Variants in AIG1 observed in about 807,000 individuals in gnomAD.
AIG1 encodes androgen-induced gene 1 protein.
In AIG1, 23 loss-of-function variants were observed where a neutral mutation model predicts 31.4. That is an observed-to-expected ratio of 0.73 (90% CI 0.53 to 1.04). The LOEUF is 1.04. Among genes scored for constraint, AIG1 ranks in the 50% least tolerant of loss-of-function variants. The pLI is 0.00. For missense variants in AIG1, 274 were observed against 295.0 expected (o/e 0.93, Z 0.52); for synonymous variants, 100 against 110.5 (o/e 0.90, Z 0.60).
intron 4 of AIG1, among the ~76,000 whole-genome samples, chr6:143,321,632 C>A (rs183133312): frequency 1.3e-5 from 2 of 151,932 alleles, no homozygotes; most frequent in Non-Finnish European, 2.9e-5. Flanking sequence ...TAGAAGGAAC[C>A]GCTGAAAGGG....
chr6:143,071,999 C>T (rs1229837184), intron 1 of AIG1, among the ~76,000 whole-genome samples: 1 of 151,680 alleles, frequency 6.6e-6, no homozygotes, highest in African/African-American at 2.4e-5. Context: ...GCTGCATTAC[C>T]CAGGCTGGTC....
chr6:143,290,107 G>A (rs544910009), intron 4 of AIG1, among the ~76,000 whole-genome samples: 7 of 152,014 alleles, frequency 4.6e-5, no homozygotes, highest in Admixed American at 2.6e-4. Flanking sequence ...TGTTACTGGC[G>A]GCATATATGT....
chr6:143,189,478 C>T, intron 3 of AIG1: 17 of 984,770 alleles, frequency 1.7e-5, no homozygotes, highest in Non-Finnish European at 2.0e-5. Context: ...TGAAATCAAG[C>T]TTGATGATAT....
intron 3 of AIG1, among the ~76,000 whole-genome samples, chr6:143,259,048 T>C (rs1020079816): frequency 6.6e-6 from 1 of 152,136 alleles, no homozygotes; most frequent in African/African-American, 2.4e-5. Context: ...CAATCTAAAC[T>C]CTTGGGTCTA....
intron 3 of AIG1, among the ~76,000 whole-genome samples, chr6:143,244,198 G>GTC (rs1485160199): frequency 6.6e-6 from 1 of 152,194 alleles, no homozygotes; most frequent in East Asian, 1.9e-4. Flanking sequence ...CCTGAAGGAG[G>GTC]TAAGGAGTGT....
chr6:143,342,625 A>G, downstream of AIG1: 5 of 1,108,936 alleles, frequency 4.5e-6, no homozygotes, highest in Non-Finnish European at 7.0e-6. Flanking sequence ...ACTGAAATCC[A>G]GGGGTCCAGA....
At chr6:143,159,970 CA>C (rs1786179926) in intron 2 of AIG1, among the ~76,000 whole-genome samples, 1 of 152,180 alleles carries the variant, frequency 6.6e-6, no homozygotes, top group South Asian at 2.1e-4. Context: ...AATCTGGAAG[CA>C]AGGTAATAGA....
intron 3 of AIG1, among the ~76,000 whole-genome samples, chr6:143,194,907 A>G (rs570917167): frequency 1.3e-5 from 2 of 152,366 alleles, no homozygotes; most frequent in African/African-American, 4.8e-5. Flanking sequence ...GAGAAGCCCC[A>G]TTGTGAGCAG....
At chr6:143,071,781 T>C (rs558367630) in intron 1 of AIG1, among the ~76,000 whole-genome samples, 15 of 150,312 alleles carry the variant, frequency 1.0e-4, no homozygotes, top group Non-Finnish European at 1.8e-4. Flanking sequence ...TCTTTTCTTG[T>C]GTGTGTGTGT....
intron 1 of AIG1, among the ~76,000 whole-genome samples, chr6:143,107,159 G>A (rs1352868581): frequency 5.3e-5 from 8 of 152,146 alleles, no homozygotes; most frequent in Admixed American, 5.2e-4. Context: ...GTATCCACAG[G>A]TAAATGAAGT....
upstream of AIG1, among the ~76,000 whole-genome samples, chr6:143,059,307 C>CT (rs1776077598): frequency 6.6e-6 from 1 of 152,176 alleles, no homozygotes; most frequent in African/African-American, 2.4e-5. Context: ...TCTGTGCCAT[C>CT]TTTAAGAGCT....
chr6:143,335,144 AG>A (rs1288953118), intron 5 of AIG1: 2 of 1,389,806 alleles, frequency 1.4e-6, no homozygotes, highest in Non-Finnish European at 1.9e-6. Flanking sequence ...CATTTACAAG[AG>A]GGGTCACAAA....
chr6:143,173,566 A>C (rs1056445901), intron 3 of AIG1, among the ~76,000 whole-genome samples: 25 of 152,128 alleles, frequency 1.6e-4, no homozygotes, highest in Admixed American at 8.5e-4. Context: ...TGTATCCCAG[A>C]GGTTTGGATA....
intron 1 of AIG1, among the ~76,000 whole-genome samples, chr6:143,084,662 T>C (rs1008007796): frequency 1.3e-5 from 2 of 152,204 alleles, no homozygotes; most frequent in Non-Finnish European, 2.9e-5. Context: ...TGGCCTTCAA[T>C]AGAGTCGGGT....
In AIG1 at chr6:143,146,224, A is replaced by C. The variant is rs1784694753; in HGVS notation, c.297+9234A>C. ...GAAAAAAAAATCACAGAAATATCTC[A>C]CAAAATGAAGATATTTTCTTCCCAT... On this transcript the variant is annotated intron_variant, in intron 2 of 5. Transcript: ENST00000357847. Among the ~76,000 whole-genome samples, 4 of 152,140 alleles carry C rather than the reference A, an allele frequency of 2.6e-5. No homozygotes were observed. In the South Asian group the frequency reaches 8.3e-4, roughly 32 times the overall value.
Position 143,327,990 on chromosome 6 carries a change from A to G in AIG1, c.516-5292A>G, listed in dbSNP as rs964279757. Among the ~76,000 whole-genome samples the G allele has an allele frequency of 2.0e-5, 3 of 152,216 alleles. No homozygotes were observed. The highest frequency in any genetic ancestry group is 1.9e-4 in the East Asian group (1 of 5,190). On this transcript the variant is annotated intron_variant, in intron 4 of 5. Transcript: ENST00000357847. The surrounding 1 kb of genome is among the most constrained non-coding windows in gnomAD (Gnocchi z 5.3). ...GTTTGTAAAATACCTGTGTATAAGT[A>G]GTGAACATGATGCCATAGCCATGAA...
chr6:143,121,380 C>T lies in AIG1; in HGVS notation c.142-15455C>T, dbSNP rs116773336. ...GGTGCTGCTCTCTGATCAAGTTGAACATATCATGTAATATACATATATTTT... is the reference window on the plus strand; with the variant it reads ...GGTGCTGCTCTCTGATCAAGTTGAATATATCATGTAATATACATATATTTT... On this transcript the variant is annotated intron_variant, in intron 1 of 5. Transcript: ENST00000357847. 3.2e-3 allele frequency among the ~76,000 whole-genome samples: 491 copies of T among 152,312 alleles called. 5 individuals carry two copies. Among genetic ancestry groups the T allele is most frequent in the African/African-American group, 0.011 (476 of 41,566 alleles).
At chr6:143,318,451 C>T (rs955016608) in intron 4 of AIG1, among the ~76,000 whole-genome samples, 1 of 152,090 alleles carries the variant, frequency 6.6e-6, no homozygotes, top group African/African-American at 2.4e-5. Context: ...GAAACTGGAT[C>T]CTCATCTTTC....
chr6:143,282,782 A>G (rs751598994), intron 3 of AIG1, among the ~76,000 whole-genome samples: 1 of 152,238 alleles, frequency 6.6e-6, no homozygotes, highest in Non-Finnish European at 1.5e-5. Flanking sequence ...CTAGGAATAT[A>G]AACAATAGGT....
Sources: gnomAD v4.1 joint callset for allele counts (sites outside exome capture counted in the v4.1 genomes callset) on GRCh38, gnomAD v4.1.1 for gene constraint, Gnocchi (gnomAD v3.1) non-coding constraint, MANE v1.5 for transcripts, NCBI Gene and HGNC (gene_info 2026-07-23, HGNC 2026-07-21) for gene names.